SGCZ: variants seen among roughly 807,000 people sequenced by gnomAD.
SGCZ encodes sarcoglycan zeta.
A neutral mutation model predicts 41.3 loss-of-function variants in SGCZ; 40 were observed. The observed-to-expected ratio is 0.97, with a 90% confidence interval of 0.75 to 1.26. The LOEUF is 1.26. Among genes scored for constraint, SGCZ ranks in the 50% most tolerant of loss-of-function variants. The pLI, the probability that SGCZ is intolerant of heterozygous loss-of-function variation, is 0.00. For missense variants in SGCZ, 552 were observed against 369.8 expected (o/e 1.49, Z -4.04); for synonymous variants, 206 against 137.5 (o/e 1.50, Z -3.49).
chr8:14,610,016 A>G (rs1197803600), intron 1 of SGCZ, among the ~76,000 whole-genome samples: 1 of 152,188 alleles, frequency 6.6e-6, no homozygotes, highest in Non-Finnish European at 1.5e-5. Flanking sequence ...GGAGATTTCA[A>G]CTGCTACGAT....
chr8:14,675,368 C>A (rs1244554630), intron 1 of SGCZ, among the ~76,000 whole-genome samples: 1 of 151,816 alleles, frequency 6.6e-6, no homozygotes, highest in Non-Finnish European at 1.5e-5. Context: ...GAATGTACAA[C>A]ATATATTTAT....
chr8:14,604,343 C>A (rs1306716031), intron 1 of SGCZ, among the ~76,000 whole-genome samples: 1 of 152,014 alleles, frequency 6.6e-6, no homozygotes, highest in Non-Finnish European at 1.5e-5. Context: ...GTAAGCTCAC[C>A]AGGAAAGTAT....
Position 14,534,954 on chromosome 8 carries a change from A to G in SGCZ, c.234+19778T>C, listed in dbSNP as rs559520539. The stretch of plus-strand genomic sequence containing the variant: ...ATTTCACACTTAAAGTTAAATCGAT[A>G]ATGCAAGAATGACGTATCTCTTCAA... On this transcript the variant is annotated intron_variant, in intron 2 of 7. Transcript: ENST00000382080. 2.0e-5 allele frequency among the ~76,000 whole-genome samples: 3 copies of G among 151,990 alleles called. No homozygotes were observed. In the South Asian group the frequency reaches 6.2e-4, roughly 31 times the overall value.
chr8:14,408,612 C>A (rs189942146), intron 2 of SGCZ, among the ~76,000 whole-genome samples: 1 of 152,092 alleles, frequency 6.6e-6, no homozygotes, highest in East Asian at 1.9e-4. Context: ...ATATCACACC[C>A]CTGTATAATA....
chr8:15,016,085 C>T (rs73203400), intron 1 of SGCZ, among the ~76,000 whole-genome samples: 8,241 of 152,160 alleles, frequency 0.054, 300 homozygotes, highest in Non-Finnish European at 0.077. Context: ...TTAGCCATAA[C>T]GAGTAAAATA....
chr8:14,681,999 C>G (rs9918824), intron 1 of SGCZ, among the ~76,000 whole-genome samples: 30,628 of 151,882 alleles, frequency 0.2, 3,764 homozygotes, highest in East Asian at 0.46. Flanking sequence ...TAACAGAGAA[C>G]GAATTTGAAG....
intron 4 of SGCZ, among the ~76,000 whole-genome samples, chr8:14,213,961 C>T (rs1290606720): frequency 1.3e-5 from 2 of 151,878 alleles, no homozygotes; most frequent in East Asian, 1.9e-4. Flanking sequence ...TTAATTAGGG[C>T]GTGTTCAACA....
intron 2 of SGCZ, among the ~76,000 whole-genome samples, chr8:14,493,683 T>C (rs928458908): frequency 6.6e-6 from 1 of 151,942 alleles, no homozygotes; most frequent in Non-Finnish European, 1.5e-5. Context: ...CCCATATTTA[T>C]ATAATCAGCT....
intron 4 of SGCZ, among the ~76,000 whole-genome samples, chr8:14,181,304 G>A (rs62492283): frequency 0.035 from 5,384 of 152,184 alleles, 148 homozygotes; most frequent in East Asian, 0.11. Context: ...TCAATTGTTG[G>A]GTATATTGAT....
At chr8:14,094,863 G>C (rs1801794897) in intron 7 of SGCZ, among the ~76,000 whole-genome samples, 1 of 152,084 alleles carries the variant, frequency 6.6e-6, no homozygotes, top group Non-Finnish European at 1.5e-5. Flanking sequence ...TTGTGGTTTT[G>C]ATTTGCATTT....
At chr8:14,255,697 T>C (rs932800159) in intron 3 of SGCZ, among the ~76,000 whole-genome samples, 7 of 152,240 alleles carry the variant, frequency 4.6e-5, no homozygotes, top group African/African-American at 1.7e-4. Context: ...GAATATAACT[T>C]ATTAATGAAT....
intron 1 of SGCZ, among the ~76,000 whole-genome samples, chr8:14,771,141 G>C (rs1157126784): frequency 6.6e-6 from 1 of 151,866 alleles, no homozygotes; most frequent in African/African-American, 2.4e-5. Context: ...TCATACTAGA[G>C]TTTTTAGATG....
intron 2 of SGCZ, among the ~76,000 whole-genome samples, chr8:14,523,882 C>A (rs1168956574): frequency 2.0e-5 from 3 of 151,980 alleles, no homozygotes; most frequent in Non-Finnish European, 4.4e-5. Flanking sequence ...TTTCCCTACT[C>A]TGTTTTCTTT....
chr8:14,439,206 AT>A (rs1216518499), intron 2 of SGCZ, among the ~76,000 whole-genome samples: 2 of 151,660 alleles, frequency 1.3e-5, no homozygotes, highest in African/African-American at 4.8e-5. Flanking sequence ...CTGACTTAGG[AT>A]TTTTTGTAAG....
At position 14,412,643 on chromosome 8, in the gene SGCZ, T is replaced by C. The variant is rs1055604055; in HGVS notation, c.235-88439A>G. The stretch of plus-strand genomic sequence containing the variant: ...TAACCTAACCTTTTAATCTGCCTCA[T>C]TTTCTTGTGCTATTCATTTCAATAA... On this transcript the variant is annotated intron_variant, in intron 2 of 7. Transcript: ENST00000382080. Among the ~76,000 whole-genome samples, 4 of 152,078 alleles carry C rather than the reference T, an allele frequency of 2.6e-5. No individual in the cohort carries two copies. The South Asian group carries it at 8.3e-4, about 31-fold the overall frequency.
intron 1 of SGCZ, among the ~76,000 whole-genome samples, chr8:14,689,938 TA>T (rs1374494999): frequency 6.6e-6 from 1 of 152,130 alleles, no homozygotes; most frequent in African/African-American, 2.4e-5. Context: ...CTGAAGAAAT[TA>T]GTCAAAAAAG....
chr8:14,325,119 G>C (rs956933773), intron 2 of SGCZ, among the ~76,000 whole-genome samples: 3 of 152,104 alleles, frequency 2.0e-5, no homozygotes, highest in Non-Finnish European at 4.4e-5. Context: ...ACACTATAAA[G>C]GTTCTTACAT....
intron 1 of SGCZ, among the ~76,000 whole-genome samples, chr8:14,768,489 A>G (rs1413445572): frequency 1.3e-5 from 2 of 152,218 alleles, no homozygotes; most frequent in African/African-American, 4.8e-5. Flanking sequence ...TACTTAAAAT[A>G]TTTCTCCAAA....
chr8:14,745,568 C>T (rs987537823), intron 1 of SGCZ, among the ~76,000 whole-genome samples: 61 of 151,996 alleles, frequency 4.0e-4, no homozygotes, highest in Admixed American at 1.4e-3. Context: ...GAGTGAGACC[C>T]TGACTCTAAA....
Sources: gnomAD v4.1 joint callset for allele counts (sites outside exome capture counted in the v4.1 genomes callset) on GRCh38, gnomAD v4.1.1 for gene constraint, MANE v1.5 for transcripts, NCBI Gene and HGNC (gene_info 2026-07-23, HGNC 2026-07-21) for gene names.